The following GRID1 variants were observed in gnomAD, a reference collection of about 807,000 sequenced individuals.
The protein encoded by GRID1 is glutamate ionotropic receptor delta type subunit 1.
GRID1 carries 28 observed loss-of-function variants against 98.0 expected under a neutral mutation model. The observed-to-expected ratio is 0.29, with a 90% CI of 0.21 to 0.39. The LOEUF (loss-of-function observed/expected upper bound fraction) is 0.39. Among genes scored for constraint, GRID1 ranks in the 10% least tolerant of loss-of-function variants. GRID1 has a pLI of 1.00. For missense variants in GRID1, 1,111 were observed against 1,340.5 expected (o/e 0.83, Z 2.67); for synonymous variants, 553 against 538.5 (o/e 1.03, Z -0.37).
intron 13 of GRID1, among the ~76,000 whole-genome samples, chr10:85,634,126 G>A (rs1473225297): frequency 6.6e-6 from 1 of 150,792 alleles, no homozygotes; most frequent in Non-Finnish European, 1.5e-5. Context: ...AGCCAAGATT[G>A]CACATTGCAT....
At chr10:86,351,627 A>AC (rs1248561545) in intron 2 of GRID1, among the ~76,000 whole-genome samples, 1 of 152,118 alleles carries the variant, frequency 6.6e-6, no homozygotes, top group African/African-American at 2.4e-5. Flanking sequence ...TGTCTGATGC[A>AC]CCCCCTTCTC....
At chr10:86,053,934 ACAGT>A (rs1196183228) in intron 4 of GRID1, among the ~76,000 whole-genome samples, 1 of 152,188 alleles carries the variant, frequency 6.6e-6, no homozygotes, top group African/African-American at 2.4e-5. Context: ...TCTTACACAC[ACAGT>A]CAGCCAGAGT....
chr10:86,181,453 C>T (rs556916688), intron 3 of GRID1, among the ~76,000 whole-genome samples: 19 of 152,304 alleles, frequency 1.2e-4, no homozygotes, highest in East Asian at 7.7e-4. Context: ...GCTCCCAGCC[C>T]CGCTAGTACA....
intron 13 of GRID1, chr10:85,645,444 G>A (rs957968011): frequency 1.3e-5 from 2 of 152,142 alleles, no homozygotes; most frequent in African/African-American, 4.8e-5. Context: ...AGAACTACGA[G>A]GTTTTAATAA....
At chr10:85,769,590 C>T (rs920643782) in intron 8 of GRID1, among the ~76,000 whole-genome samples, 35 of 152,284 alleles carry the variant, frequency 2.3e-4, no homozygotes, top group Middle Eastern at 3.4e-3. Flanking sequence ...GGGTAACAGA[C>T]GGCACCTGGG....
At chr10:86,250,080 G>C (rs1391940652) in intron 2 of GRID1, among the ~76,000 whole-genome samples, 1 of 152,186 alleles carries the variant, frequency 6.6e-6, no homozygotes, top group East Asian at 1.9e-4. Flanking sequence ...TGGGTGGATA[G>C]ATGGATGGGT....
chr10:85,927,613 G>T (rs184360414), intron 4 of GRID1, among the ~76,000 whole-genome samples: 128 of 152,088 alleles, frequency 8.4e-4, no homozygotes, highest in African/African-American at 3.0e-3. Context: ...TCTTTTCCCA[G>T]AAACTTGTCA....
chr10:85,760,322 A>G (rs1447158123), intron 8 of GRID1, among the ~76,000 whole-genome samples: 1 of 152,184 alleles, frequency 6.6e-6, no homozygotes. Flanking sequence ...TTTAGGTGTT[A>G]TTATTATTGT....
chr10:86,004,262 A>G (rs758378203), intron 4 of GRID1, among the ~76,000 whole-genome samples: 2 of 152,312 alleles, frequency 1.3e-5, no homozygotes, highest in South Asian at 2.1e-4. Flanking sequence ...GAATATTGCA[A>G]TTCTCCTGGA....
chr10:85,772,026 T>C (rs1005988809), intron 8 of GRID1, among the ~76,000 whole-genome samples: 2 of 152,202 alleles, frequency 1.3e-5, no homozygotes, highest in Admixed American at 1.3e-4. Context: ...TACATTCTTT[T>C]CAGCACCACA....
At chr10:85,804,881 A>T (rs1471683236) in intron 8 of GRID1, among the ~76,000 whole-genome samples, 2 of 151,676 alleles carry the variant, frequency 1.3e-5, no homozygotes, top group African/African-American at 4.8e-5. Flanking sequence ...TTTCTAATTA[A>T]GTTTGGGGAC....
intron 2 of GRID1, among the ~76,000 whole-genome samples, chr10:86,321,891 CT>C (rs1847976001): frequency 6.6e-6 from 1 of 152,086 alleles, no homozygotes; most frequent in South Asian, 2.1e-4. Context: ...CAACAGAAAC[CT>C]TCAAACACAA....
intron 4 of GRID1, among the ~76,000 whole-genome samples, chr10:86,123,990 G>C (rs1039928444): frequency 6.6e-6 from 1 of 152,154 alleles, no homozygotes; most frequent in African/African-American, 2.4e-5. Context: ...GCCAGGCAGG[G>C]AGCTACCCAT....
intron 13 of GRID1, among the ~76,000 whole-genome samples, chr10:85,635,146 T>C (rs192474877): frequency 6.6e-6 from 1 of 151,334 alleles, no homozygotes; most frequent in Admixed American, 6.6e-5. Context: ...GCTTACTCTA[T>C]CAAATTATAA....
chr10:85,949,824 A>G (rs1200783370), intron 4 of GRID1, among the ~76,000 whole-genome samples: 1 of 152,190 alleles, frequency 6.6e-6, no homozygotes, highest in East Asian at 1.9e-4. Flanking sequence ...CCTGATATCT[A>G]TGTGTTTCTT....
At chr10:86,209,125 A>G (rs1417272116) in intron 2 of GRID1, among the ~76,000 whole-genome samples, 4 of 152,250 alleles carry the variant, frequency 2.6e-5, no homozygotes, top group Non-Finnish European at 5.9e-5. Flanking sequence ...AACATGCATG[A>G]AAGAAAAACC....
intron 4 of GRID1, among the ~76,000 whole-genome samples, chr10:86,117,669 C>T (rs1844604459): frequency 6.6e-6 from 1 of 152,196 alleles, no homozygotes; most frequent in Non-Finnish European, 1.5e-5. Flanking sequence ...ACTAATTTGA[C>T]CTTCAAAAAG....
chr10:85,844,254 G>A (rs1263188928), intron 8 of GRID1, among the ~76,000 whole-genome samples: 2 of 151,876 alleles, frequency 1.3e-5, no homozygotes, highest in Non-Finnish European at 2.9e-5. Flanking sequence ...AAATATTATG[G>A]TTATCAGGAG....
intron 3 of GRID1, among the ~76,000 whole-genome samples, chr10:86,159,077 G>A (rs1249114430): frequency 6.6e-6 from 1 of 152,010 alleles, no homozygotes; most frequent in African/African-American, 2.4e-5. Flanking sequence ...TGTATTTTTG[G>A]TAGAGACGGG....
Sources: gnomAD v4.1 joint callset for allele counts (sites outside exome capture counted in the v4.1 genomes callset) on GRCh38, gnomAD v4.1.1 for gene constraint, MANE v1.5 for transcripts, NCBI Gene and HGNC (gene_info 2026-07-23, HGNC 2026-07-21) for gene names.